SPAG16: variants seen among roughly 807,000 people sequenced by gnomAD.
SPAG16 encodes the protein sperm associated antigen 16.
In SPAG16, 86 loss-of-function variants were observed where a neutral mutation model predicts 80.4. The observed-to-expected ratio is 1.07, with a 90% CI of 0.90 to 1.28. The LOEUF is 1.28. SPAG16 is among the 50% of genes most tolerant of loss of function. The pLI is 0.00. For missense variants in SPAG16, 870 were observed against 765.3 expected (o/e 1.14, Z -1.61); for synonymous variants, 294 against 265.9 (o/e 1.11, Z -1.03).
chr2:213,512,729 C>A (rs920699244), intron 10 of SPAG16, among the ~76,000 whole-genome samples: 1 of 152,064 alleles, frequency 6.6e-6, no homozygotes, highest in African/African-American at 2.4e-5. Flanking sequence ...ATAAGTATCC[C>A]CCATCACATA....
chr2:213,847,862 GACAC>G lies in SPAG16; in HGVS notation c.1071-14603_1071-14600del, dbSNP rs71063790. Among the ~76,000 whole-genome samples the G allele has an allele frequency of 1.4e-4, 21 of 149,800 alleles. 1 individual carries two copies. The South Asian group carries it at 1.7e-3, about 12-fold the overall frequency. ...ACAAAATGTTGTAATATAAACAAATGACACACACACACACACACACACAGACATA... is the reference window on the plus strand; with the variant it reads ...ACAAAATGTTGTAATATAAACAAATGACACACACACACACACACAGACATA... On this transcript the variant is annotated intron_variant, in intron 10 of 15. Coordinates refer to ENST00000331683, the MANE Select transcript of SPAG16 (RefSeq NM_024532.5).
intron 9 of SPAG16, among the ~76,000 whole-genome samples, chr2:213,434,189 G>C (rs1417534614): frequency 6.6e-6 from 1 of 151,868 alleles, no homozygotes; most frequent in Admixed American, 6.6e-5. Context: ...CAAAGTGCTG[G>C]GATTACAGAC....
chr2:214,186,678 A>G (rs899158900), intron 15 of SPAG16, among the ~76,000 whole-genome samples: 1 of 152,242 alleles, frequency 6.6e-6, no homozygotes, highest in South Asian at 2.1e-4. Flanking sequence ...TAAGTACACT[A>G]CAAATTGTCA....
At chr2:213,493,550 G>A (rs2074355585) in intron 10 of SPAG16, among the ~76,000 whole-genome samples, 1 of 152,042 alleles carries the variant, frequency 6.6e-6, no homozygotes, top group Non-Finnish European at 1.5e-5. Context: ...ATGTCTTTCA[G>A]TGACTGCCAC....
At chr2:213,706,760 C>G (rs1291067245) in intron 10 of SPAG16, among the ~76,000 whole-genome samples, 1 of 152,114 alleles carries the variant, frequency 6.6e-6, no homozygotes, top group African/African-American at 2.4e-5. Flanking sequence ...TTCTGTGGGT[C>G]CACAACTCCA....
intron 10 of SPAG16, among the ~76,000 whole-genome samples, chr2:213,574,151 T>C (rs1257764568): frequency 6.6e-6 from 1 of 152,236 alleles, no homozygotes; most frequent in Non-Finnish European, 1.5e-5. Context: ...TTGTAGGTTA[T>C]ATGCTATCAC....
At chr2:213,991,731 AC>A (rs2046291069) in intron 12 of SPAG16, among the ~76,000 whole-genome samples, 1 of 152,102 alleles carries the variant, frequency 6.6e-6, no homozygotes, top group African/African-American at 2.4e-5. Flanking sequence ...CTTTCCTGGG[AC>A]TTTTAATGGG....
At chr2:213,831,639 C>T (rs548959060) in intron 10 of SPAG16, among the ~76,000 whole-genome samples, 5 of 152,006 alleles carry the variant, frequency 3.3e-5, no homozygotes, top group African/African-American at 4.8e-5. Flanking sequence ...TCTGCATGTT[C>T]GTTTTTACAA....
intron 10 of SPAG16, among the ~76,000 whole-genome samples, chr2:213,684,716 G>C (rs937309600): frequency 2.0e-5 from 3 of 152,046 alleles, no homozygotes; most frequent in Non-Finnish European, 4.4e-5. Flanking sequence ...AGTCATTACT[G>C]GGCAACTTAT....
chr2:214,100,969 T>C (rs1254400905), intron 13 of SPAG16, among the ~76,000 whole-genome samples: 3 of 152,128 alleles, frequency 2.0e-5, no homozygotes, highest in African/African-American at 7.2e-5. Context: ...CAAAAGAATA[T>C]GGAATTCATT....
chr2:214,049,399 G>T (rs1174985041), intron 13 of SPAG16, among the ~76,000 whole-genome samples: 1 of 152,038 alleles, frequency 6.6e-6, no homozygotes, highest in Middle Eastern at 3.2e-3. Context: ...CATGCTCTCT[G>T]ACTTGCAATA....
In SPAG16 at chr2:213,935,334, C is replaced by G. The variant is rs551136351; in HGVS notation, c.1400+5189C>G. ...ATACTTTTCAGGTGATATGTTTTTCCCTCATGACATATTATTAAGGCAACC... is the reference window on the plus strand; with the variant it reads ...ATACTTTTCAGGTGATATGTTTTTCGCTCATGACATATTATTAAGGCAACC... On this transcript the variant is annotated intron_variant, in intron 12 of 15. Transcript: ENST00000331683. Among the ~76,000 whole-genome samples the G allele has an allele frequency of 3.3e-5, 5 of 151,978 alleles. No individual in the cohort carries two copies. In the South Asian group the frequency reaches 1.0e-3, roughly 31 times the overall value.
intron 12 of SPAG16, among the ~76,000 whole-genome samples, chr2:213,934,208 C>T (rs981749448): frequency 6.6e-6 from 1 of 152,200 alleles, no homozygotes; most frequent in Non-Finnish European, 1.5e-5. Flanking sequence ...CCTAGTTTTT[C>T]ACTATTTGGA....
At chr2:213,576,495 A>G (rs2060130673) in intron 10 of SPAG16, among the ~76,000 whole-genome samples, 1 of 152,196 alleles carries the variant, frequency 6.6e-6, no homozygotes, top group Non-Finnish European at 1.5e-5. Flanking sequence ...AGGAATATAA[A>G]TCATTCTGTT....
chr2:213,294,624 A>C (rs114098392), intron 1 of SPAG16, among the ~76,000 whole-genome samples: 1,917 of 152,286 alleles, frequency 0.013, 24 homozygotes, highest in Middle Eastern at 0.034. Context: ...TGACCTTTTG[A>C]CAGATACCTG....
chr2:213,385,848 A>G (rs1380925536), intron 9 of SPAG16, among the ~76,000 whole-genome samples: 1 of 151,820 alleles, frequency 6.6e-6, no homozygotes, highest in Non-Finnish European at 1.5e-5. Flanking sequence ...GAATAAATTT[A>G]TTTTTCCATA....
intron 12 of SPAG16, among the ~76,000 whole-genome samples, chr2:213,972,413 G>GT (rs1559644140): frequency 2.6e-5 from 4 of 152,282 alleles, no homozygotes; most frequent in African/African-American, 9.6e-5. Flanking sequence ...TGTTGGTGTA[G>GT]TTGGCCAGTT....
intron 10 of SPAG16, among the ~76,000 whole-genome samples, chr2:213,827,662 T>G (rs2073383952): frequency 6.6e-6 from 1 of 152,026 alleles, no homozygotes; most frequent in African/African-American, 2.4e-5. Flanking sequence ...AACACATTTC[T>G]TTCTGATTGA....
In SPAG16 at chr2:213,865,680, T is replaced by G. The variant is rs538750161; in HGVS notation, c.1214+3052T>G. On this transcript the variant is annotated intron_variant, in intron 11 of 15. Coordinates refer to ENST00000331683, the MANE Select transcript of SPAG16 (RefSeq NM_024532.5). ...GAAAACTTCTGAACTTATATATATA[T>G]AAAATATATAAACATTTGTATATAA... 6.7e-4 allele frequency among the ~76,000 whole-genome samples: 99 copies of G among 147,936 alleles called. No individual in the cohort carries two copies. In the South Asian group the frequency reaches 0.02, roughly 30 times the overall value.
Sources: gnomAD v4.1 joint callset for allele counts (sites outside exome capture counted in the v4.1 genomes callset) on GRCh38, gnomAD v4.1.1 for gene constraint, MANE v1.5 for transcripts, NCBI Gene and HGNC (gene_info 2026-07-23, HGNC 2026-07-21) for gene names.